The following FKBP1B variants were observed in gnomAD, a reference collection of about 807,000 sequenced individuals.
FKBP1B encodes the protein peptidyl-prolyl cis-trans isomerase FKBP1B.
In FKBP1B, 4 loss-of-function variants were observed where a neutral mutation model predicts 13.5. The ratio of observed to expected loss-of-function variants is 0.30; its 90% confidence interval spans 0.15 to 0.68. FKBP1B has a LOEUF of 0.68. Ranked by LOEUF, FKBP1B falls within the 30% of genes least tolerant of loss-of-function variation. The pLI, the probability that FKBP1B is intolerant of heterozygous loss-of-function variation, is 0.76. For synonymous variants in FKBP1B, 54 were observed against 53.6 expected, an observed-to-expected ratio of 1.01 and a Z score of -0.03; for missense variants, 93 against 136.2, an observed-to-expected ratio of 0.68 and a Z score of 1.58.
upstream of FKBP1B, among the ~76,000 whole-genome samples, chr2:24,045,631 G>GAGGA (rs4041250): frequency 2.4e-4 from 25 of 106,154 alleles, no homozygotes; most frequent in East Asian, 2.8e-3. Flanking sequence ...GAGAGAGAGA[G>GAGGA]AGGAAGGAAG....
At chr2:24,035,442 AGG>A in the FKBP1B span, among the ~76,000 whole-genome samples, 11 of 152,296 alleles carry the variant, frequency 7.2e-5, 1 homozygote, top group African/African-American at 2.6e-4. Flanking sequence ...AACATAGGGT[AGG>A]AATAAGAGTT....
At chr2:24,049,453 G>A (rs1247772746), upstream of FKBP1B, 3 of 186,278 alleles carry the variant, frequency 1.6e-5, no homozygotes, top group African/African-American at 7.0e-5. Context: ...CTGTAGGACT[G>A]GGTTGACTTC....
the FKBP1B span, among the ~76,000 whole-genome samples, chr2:24,042,815 C>T: frequency 1.3e-5 from 2 of 152,028 alleles, no homozygotes; most frequent in African/African-American, 4.8e-5. Context: ...GGCAGATCAC[C>T]TGACCATCAG....
At chr2:24,051,346 G>GAAA (rs34668586) in intron 1 of FKBP1B, among the ~76,000 whole-genome samples, 67 of 147,438 alleles carry the variant, frequency 4.5e-4, no homozygotes, top group Non-Finnish European at 6.3e-4. Flanking sequence ...AAAAAAAAAA[G>GAAA]AAAAAAAATG....
intron 1 of FKBP1B, among the ~76,000 whole-genome samples, chr2:24,053,423 C>CT (rs755401979): frequency 6.6e-6 from 1 of 151,676 alleles, no homozygotes; most frequent in East Asian, 1.9e-4. Flanking sequence ...GCCACCATGC[C>CT]TGGCCTCTCA....
the FKBP1B span, among the ~76,000 whole-genome samples, chr2:24,035,184 T>C: frequency 6.6e-6 from 1 of 151,818 alleles, no homozygotes; most frequent in Admixed American, 6.6e-5. Flanking sequence ...ATATATTACT[T>C]TTGTAATTAG....
the FKBP1B span, chr2:24,039,085 G>A: frequency 6.2e-7 from 1 of 1,614,182 alleles, no homozygotes; most frequent in Non-Finnish European, 8.5e-7. Flanking sequence ...AGGGAAAATG[G>A]AGACATCCTG....
chr2:24,045,608 A>G (rs1441790563), upstream of FKBP1B, among the ~76,000 whole-genome samples: 1 of 105,466 alleles, frequency 9.5e-6, no homozygotes, highest in Non-Finnish European at 2.2e-5. Flanking sequence ...CTCAAAAAAA[A>G]AAAAAAAAAA....
intron 3 of FKBP1B, among the ~76,000 whole-genome samples, chr2:24,061,930 C>T (rs888026728): frequency 2.0e-4 from 31 of 152,080 alleles, no homozygotes; most frequent in Non-Finnish European, 3.2e-4. Flanking sequence ...ACTGCAGTGG[C>T]GCAATCTTGG....
chr2:24,056,485 A>G (rs1248301833), intron 2 of FKBP1B, among the ~76,000 whole-genome samples: 2 of 151,864 alleles, frequency 1.3e-5, no homozygotes, highest in African/African-American at 4.8e-5. Flanking sequence ...CTGGGATTAC[A>G]GGTGCGCACC....
chr2:24,033,377 C>T, the FKBP1B span: 2 of 237,908 alleles, frequency 8.4e-6, no homozygotes, highest in African/African-American at 2.3e-5. Context: ...ATAAAATAAA[C>T]AAACCATGGT....
chr2:24,039,606 A>G, the FKBP1B span: 1 of 1,128,674 alleles, frequency 8.9e-7, no homozygotes, highest in South Asian at 1.6e-5. Flanking sequence ...GCCCCTTCCC[A>G]GGTTAATAAT....
At chr2:24,043,738 GAGTA>G in the FKBP1B span, among the ~76,000 whole-genome samples, 1 of 152,110 alleles carries the variant, frequency 6.6e-6, no homozygotes, top group African/African-American at 2.4e-5. Context: ...TTGTTTTACT[GAGTA>G]AGTGTCAAAG....
At chr2:24,040,831 A>G in the FKBP1B span, among the ~76,000 whole-genome samples, 3 of 152,012 alleles carry the variant, frequency 2.0e-5, no homozygotes, top group Non-Finnish European at 4.4e-5. Flanking sequence ...AGCCTGACCA[A>G]CATGCAGAAA....
Position 24,063,208 on chromosome 2 carries a change from C to A in FKBP1B, c.*16C>A, listed in dbSNP as rs924150973. The A allele has an allele frequency of 5.1e-6, 8 of 1,567,796 alleles. No individual in the cohort carries two copies. In the East Asian group the frequency reaches 1.6e-4, roughly 31 times the overall value. The stretch of plus-strand genomic sequence containing the variant: ...CTTAGAGTGAAGGCAGGAAGGAACT[C>A]AAGGTGGCTGGAGATGGCTGCTGCT... On this transcript the variant is annotated 3_prime_UTR_variant, in exon 4 of 4. Coordinates refer to ENST00000380986, the MANE Select transcript of FKBP1B (RefSeq NM_004116.5).
upstream of FKBP1B, among the ~76,000 whole-genome samples, chr2:24,045,488 C>T (rs1250813135): frequency 6.6e-6 from 1 of 151,342 alleles, no homozygotes; most frequent in Non-Finnish European, 1.5e-5. Flanking sequence ...GTAGTTCCAG[C>T]TACTTGGGAG....
At chr2:24,058,433 T>C (rs760301073) in intron 2 of FKBP1B, among the ~76,000 whole-genome samples, 6 of 152,194 alleles carry the variant, frequency 3.9e-5, no homozygotes, top group African/African-American at 4.8e-5. Context: ...TGCATTGCAG[T>C]GGTATCTTTG....
chr2:24,036,225 G>A, the FKBP1B span, among the ~76,000 whole-genome samples: 1 of 151,956 alleles, frequency 6.6e-6, no homozygotes, highest in South Asian at 2.1e-4. Flanking sequence ...TAGGGTTGGG[G>A]CCACATGCAG....
At chr2:24,035,631 A>G in the FKBP1B span, among the ~76,000 whole-genome samples, 1 of 152,102 alleles carries the variant, frequency 6.6e-6, no homozygotes, top group African/African-American at 2.4e-5. Flanking sequence ...AATCAAAACT[A>G]TGGCTGGGTG....
Sources: gnomAD v4.1 joint callset for allele counts (sites outside exome capture counted in the v4.1 genomes callset) on GRCh38, gnomAD v4.1.1 for gene constraint, MANE v1.5 for transcripts, NCBI Gene and HGNC (gene_info 2026-07-23, HGNC 2026-07-21) for gene names.